Variants in DOCK9 observed in about 807,000 individuals in gnomAD.
The protein encoded by DOCK9 is dedicator of cytokinesis 9, also known as dedicator of cytokinesis protein 9.
A neutral mutation model predicts 263.3 loss-of-function variants in DOCK9; 89 were observed. The observed-to-expected ratio is 0.34, with a 90% confidence interval of 0.28 to 0.40. The LOEUF (loss-of-function observed/expected upper bound fraction) is 0.40. Among genes scored for constraint, DOCK9 ranks in the 10% least tolerant of loss-of-function variants. The pLI, the probability that DOCK9 is intolerant of heterozygous loss-of-function variation, is 1.00. For missense variants in DOCK9, 2,140 were observed against 2,603.4 expected (o/e 0.82, Z 3.87); for synonymous variants, 976 against 973.1 (o/e 1.00, Z -0.06).
intron 27 of DOCK9, chr13:98,872,002 C>T (rs2094200183): frequency 6.5e-6 from 1 of 152,678 alleles, no homozygotes; most frequent in African/African-American, 2.4e-5. Context: ...CCTGTGGACG[C>T]TGCGGTTAAC....
At chr13:98,998,492 C>A (rs1278870536) in intron 1 of DOCK9, among the ~76,000 whole-genome samples, 1 of 152,188 alleles carries the variant, frequency 6.6e-6, no homozygotes, top group African/African-American at 2.4e-5. Flanking sequence ...ATGATCCGGG[C>A]AGAGTCTCAC....
At chr13:98,895,144 C>CA (rs1566889035) in intron 15 of DOCK9, among the ~76,000 whole-genome samples, 3 of 45,086 alleles carry the variant, frequency 6.7e-5, no homozygotes, top group Admixed American at 5.4e-4. Flanking sequence ...GACTCCATCT[C>CA]GGAAAAAAAA....
intron 32 of DOCK9, among the ~76,000 whole-genome samples, chr13:98,862,468 G>A (rs1359114015): frequency 6.6e-6 from 1 of 152,054 alleles, no homozygotes; most frequent in Non-Finnish European, 1.5e-5. Context: ...GTGGGCAGAT[G>A]GAGAGTTCCA....
rs143219137 is a variant in DOCK9, at chr13:98,948,787, G to T, written c.243+6648C>A. ...TTTGATTCTTTAGGGACCTTACATA[G>T]GTGGAATTGAACAGTATTTGTCCTT... On this transcript the variant is annotated intron_variant, in intron 2 of 52. Transcript: ENST00000682017. Among the ~76,000 whole-genome samples, 487 of 152,252 alleles carry T rather than the reference G, an allele frequency of 3.2e-3. 10 individuals carry two copies. In the South Asian group the frequency reaches 0.047, roughly 15 times the overall value.
chr13:99,007,700 G>T (rs1318507948), intron 1 of DOCK9, among the ~76,000 whole-genome samples: 1 of 152,148 alleles, frequency 6.6e-6, no homozygotes, highest in African/African-American at 2.4e-5. Flanking sequence ...AGAAGCAGAG[G>T]CAAAATTAGT....
intron 51 of DOCK9, 59 bp downstream of exon 51, chr13:98,797,330 G>A (rs1240110636): frequency 2.0e-5 from 32 of 1,607,358 alleles, no homozygotes; most frequent in Admixed American, 3.4e-5. Context: ...TCTCCTTCCC[G>A]AATGAGTACA....
intron 1 of DOCK9, among the ~76,000 whole-genome samples, chr13:99,062,866 G>A (rs932441169): frequency 1.3e-5 from 2 of 152,200 alleles, no homozygotes; most frequent in Non-Finnish European, 2.9e-5. Flanking sequence ...TTAATATCCT[G>A]TCTCTTTGGC....
rs1464664088 is a variant in DOCK9, at chr13:98,903,049, T to C, written c.1099A>G (p.Ile367Val). The C allele has an allele frequency of 6.5e-7, 1 of 1,538,792 alleles. No homozygotes were observed. Among genetic ancestry groups the C allele is most frequent in the Non-Finnish European group, 8.8e-7 (1 of 1,142,346 alleles). ...KSFEEKFGKR[I>V]LVKCNDLSFN... ...GATAAATCATTGCACTTGACAAGGA[T>C]CCTTTTTCCAAACTTCTCTTCAAAT... The change falls in exon 11 of 53, where the codon ATC becomes GTC. Residue 367 changes from isoleucine to valine, a missense_variant. Coordinates refer to ENST00000682017, the MANE Select transcript of DOCK9 (RefSeq NM_001366683.2).
chr13:99,015,604 C>A, intron 1 of DOCK9: 7 of 1,592,348 alleles, frequency 4.4e-6, no homozygotes, highest in Non-Finnish European at 5.9e-6. Context: ...AGTAGTGCAA[C>A]CCATCCCCAA....
chr13:99,049,543 G>T (rs894628260), intron 1 of DOCK9, among the ~76,000 whole-genome samples: 1 of 152,066 alleles, frequency 6.6e-6, no homozygotes, highest in Admixed American at 6.5e-5. Flanking sequence ...TTTTAAACAG[G>T]GTCTTGCTCT....
Position 98,829,613 on chromosome 13 carries a change from G to C in DOCK9, c.4749+30C>G, listed in dbSNP as rs765933358. 1.3e-5 allele frequency: 21 copies of C among 1,584,874 alleles called. No individual in the cohort carries two copies. Among genetic ancestry groups the C allele is most frequent in the Non-Finnish European group, 1.8e-5 (21 of 1,163,236 alleles). On this transcript the variant is annotated intron_variant, in intron 42 of 52. Coordinates refer to ENST00000682017, the MANE Select transcript of DOCK9 (RefSeq NM_001366683.2). This position sits in a 1 kb window ranked among gnomAD's most constrained non-coding sequence, Gnocchi z 4.1. ...CTCAGGTGCTGATGCAGAGTCTCAG[G>C]GTGAAACTAACATGGGCCAGGCTAC...
chr13:98,884,144 G>A (rs2045304133), intron 21 of DOCK9, among the ~76,000 whole-genome samples: 1 of 152,182 alleles, frequency 6.6e-6, no homozygotes, highest in Non-Finnish European at 1.5e-5. Context: ...TTGCAGCTGT[G>A]TGAGTTATTG....
intron 1 of DOCK9, among the ~76,000 whole-genome samples, chr13:99,033,073 TATG>T (rs760048512): frequency 7.9e-5 from 12 of 152,212 alleles, no homozygotes; most frequent in Non-Finnish European, 1.2e-4. Context: ...TTCTAGGACA[TATG>T]ATGTTTTAAG....
chr13:98,983,620 A>ATTTT (rs543813568), intron 1 of DOCK9, among the ~76,000 whole-genome samples: 10 of 143,938 alleles, frequency 6.9e-5, no homozygotes, highest in Non-Finnish European at 7.6e-5. Flanking sequence ...TATTATTATT[A>ATTTT]TTATTTTTTT....
At chr13:99,088,612 C>G (rs2042396408), upstream of DOCK9, 1 of 152,008 alleles carries the variant, frequency 6.6e-6, no homozygotes, top group Non-Finnish European at 1.5e-5. Flanking sequence ...AAATTAAAAA[C>G]AACAACAAAA....
chr13:98,862,391 TAAG>T (rs1202437810), intron 32 of DOCK9, among the ~76,000 whole-genome samples: 3 of 152,226 alleles, frequency 2.0e-5, no homozygotes, highest in East Asian at 1.9e-4. Context: ...AGCGTCCTTA[TAAG>T]AAGAAGAGAG....
At chr13:98,951,328 G>A (rs1334551890) in intron 2 of DOCK9, among the ~76,000 whole-genome samples, 3 of 152,154 alleles carry the variant, frequency 2.0e-5, no homozygotes, top group African/African-American at 7.2e-5. Flanking sequence ...ACTATCACAT[G>A]TTCCAAACAG....
intron 1 of DOCK9, among the ~76,000 whole-genome samples, chr13:99,008,530 G>A (rs996402475): frequency 3.3e-5 from 5 of 152,208 alleles, no homozygotes; most frequent in African/African-American, 4.8e-5. Context: ...CACCGCGCCC[G>A]GCCCATGTGG....
intron 1 of DOCK9, among the ~76,000 whole-genome samples, chr13:99,082,816 A>G (rs2042180370): frequency 6.6e-6 from 1 of 152,202 alleles, no homozygotes; most frequent in East Asian, 1.9e-4. Flanking sequence ...AGATGAAGAA[A>G]CTGAGCCCCA....
Sources: allele counts gnomAD v4.1 joint callset (sites outside exome capture counted in the v4.1 genomes callset), GRCh38; gene constraint gnomAD v4.1.1; non-coding constraint Gnocchi (gnomAD v3.1); transcripts MANE v1.5; gene names NCBI Gene and HGNC (gene_info 2026-07-23, HGNC 2026-07-21).